Variants in RBFOX2 observed in about 807,000 individuals in gnomAD.
RBFOX2 encodes the protein RNA binding protein fox-1 homolog 2.
In RBFOX2, 10 loss-of-function variants were observed where a neutral mutation model predicts 49.1. That is an observed-to-expected ratio of 0.20 (90% confidence interval 0.13 to 0.35). The LOEUF (loss-of-function observed/expected upper bound fraction) is 0.35, where lower values mean the gene tolerates loss of function less well. Ranked by LOEUF, RBFOX2 falls within the 10% of genes least tolerant of loss-of-function variation. The pLI is 1.00. For missense variants in RBFOX2, 323 were observed against 486.9 expected (o/e 0.66, Z 3.17); for synonymous variants, 183 against 187.4 (o/e 0.98, Z 0.19).
At chr22:35,921,179 A>T (rs1293340773) in intron 1 of RBFOX2, among the ~76,000 whole-genome samples, 1 of 152,182 alleles carries the variant, frequency 6.6e-6, no homozygotes, top group Non-Finnish European at 1.5e-5. Flanking sequence ...AAATCACTTA[A>T]TGCTTTTAAG....
intron 1 of RBFOX2, among the ~76,000 whole-genome samples, chr22:35,933,953 T>TATATATAC (rs1009021083): frequency 0.033 from 4,607 of 140,838 alleles, 120 homozygotes; most frequent in African/African-American, 0.048. Flanking sequence ...TATATATATA[T>TATATATAC]ACACACATCA....
intron 8 of RBFOX2, among the ~76,000 whole-genome samples, chr22:35,760,396 C>T (rs1217573774): frequency 6.6e-6 from 1 of 152,170 alleles, no homozygotes; most frequent in African/African-American, 2.4e-5. Context: ...ATCAGATTGA[C>T]ACAAACTCTT....
At chr22:35,798,717 G>A (rs1438682286) in intron 2 of RBFOX2, among the ~76,000 whole-genome samples, 1 of 152,088 alleles carries the variant, frequency 6.6e-6, no homozygotes, top group Non-Finnish European at 1.5e-5. Flanking sequence ...ATTATTTAAG[G>A]ACTGATATTT....
chr22:35,856,140 T>C (rs571013768), intron 1 of RBFOX2, among the ~76,000 whole-genome samples: 1 of 152,156 alleles, frequency 6.6e-6, no homozygotes, highest in East Asian at 1.9e-4. Flanking sequence ...GACCTAGAAA[T>C]AGACCTCGTA....
chr22:35,997,633 T>C (rs1353591977), intron 1 of RBFOX2: 3 of 152,088 alleles, frequency 2.0e-5, no homozygotes, highest in Non-Finnish European at 2.9e-5. Context: ...GGAGGGAGTA[T>C]AGAGGAAAGT....
At chr22:35,860,030 T>A (rs894229761) in intron 1 of RBFOX2, among the ~76,000 whole-genome samples, 1 of 152,178 alleles carries the variant, frequency 6.6e-6, no homozygotes, top group Non-Finnish European at 1.5e-5. Flanking sequence ...TTTCTCTCCA[T>A]AATAACTTTT....
chr22:35,909,041 A>C (rs1189366393), intron 1 of RBFOX2, among the ~76,000 whole-genome samples: 1 of 152,098 alleles, frequency 6.6e-6, no homozygotes, highest in Non-Finnish European at 1.5e-5. Context: ...ACAGGGTTTC[A>C]CTGTGTTAGT....
chr22:35,821,672 ACTGACCTT>A, intron 1 of RBFOX2: 1 of 502,304 alleles, frequency 2.0e-6, no homozygotes, highest in Non-Finnish European at 3.9e-6. Context: ...TCCTTTGAGG[ACTGACCTT>A]CTTTTAATAG....
chr22:35,999,292 C>G (rs1272048532), intron 1 of RBFOX2: 2 of 151,374 alleles, frequency 1.3e-5, no homozygotes, highest in Non-Finnish European at 2.9e-5. Context: ...GACCTGTAAT[C>G]CCAGCACTTT....
intron 1 of RBFOX2, among the ~76,000 whole-genome samples, chr22:35,850,790 A>C (rs754747048): frequency 1.3e-5 from 2 of 152,154 alleles, no homozygotes; most frequent in Non-Finnish European, 2.9e-5. Context: ...AAATCAGAAA[A>C]CTGCTAAGTA....
chr22:35,897,892 T>C, intron 1 of RBFOX2: 1 of 728,394 alleles, frequency 1.4e-6, no homozygotes, highest in Non-Finnish European at 2.6e-6. Flanking sequence ...AATATTCACA[T>C]TCAGATGTGC....
At chr22:35,978,358 GTA>G (rs2057299732) in intron 1 of RBFOX2, among the ~76,000 whole-genome samples, 2 of 152,168 alleles carry the variant, frequency 1.3e-5, no homozygotes, top group South Asian at 2.1e-4. Context: ...TGTATATGTG[GTA>G]TATATGTGTT....
intron 1 of RBFOX2, among the ~76,000 whole-genome samples, chr22:35,881,516 A>G (rs1028257577): frequency 6.6e-6 from 1 of 150,978 alleles, no homozygotes; most frequent in African/African-American, 2.4e-5. Flanking sequence ...CAGGAGATTG[A>G]GACTGCACTG....
At chr22:35,789,769 C>CGTG (rs1162201407) in intron 2 of RBFOX2, among the ~76,000 whole-genome samples, 2 of 152,106 alleles carry the variant, frequency 1.3e-5, no homozygotes, top group African/African-American at 2.4e-5. Context: ...CTCCCTGTAA[C>CGTG]GTGGTGGTGG....
At chr22:35,886,763 C>A (rs747561140) in intron 1 of RBFOX2, among the ~76,000 whole-genome samples, 1 of 152,200 alleles carries the variant, frequency 6.6e-6, no homozygotes, top group Non-Finnish European at 1.5e-5. Context: ...ACTGCATTGA[C>A]TGATGCATTG....
At chr22:36,015,382 G>A (rs2058994391) in intron 1 of RBFOX2, among the ~76,000 whole-genome samples, 1 of 152,198 alleles carries the variant, frequency 6.6e-6, no homozygotes, top group African/African-American at 2.4e-5. Flanking sequence ...AGACTTTCAG[G>A]ACAAGTACTA....
At chr22:35,751,031 T>C (rs928871006) in intron 9 of RBFOX2, among the ~76,000 whole-genome samples, 1 of 152,296 alleles carries the variant, frequency 6.6e-6, no homozygotes. Context: ...AAATTAACTT[T>C]ATGATGTTGC....
intron 1 of RBFOX2, among the ~76,000 whole-genome samples, chr22:35,825,949 T>A (rs1031896061): frequency 6.6e-5 from 8 of 121,956 alleles, no homozygotes; most frequent in African/African-American, 2.7e-4. Flanking sequence ...ACCATTGCAC[T>A]CCAGCCTGGG....
intron 1 of RBFOX2, among the ~76,000 whole-genome samples, chr22:35,957,445 C>T (rs1209786474): frequency 6.6e-6 from 1 of 152,136 alleles, no homozygotes. Context: ...TTGCACCCTC[C>T]TTACCTTGCA....
Sources: allele counts gnomAD v4.1 joint callset (sites outside exome capture counted in the v4.1 genomes callset), GRCh38; gene constraint gnomAD v4.1.1; transcripts MANE v1.5; gene names NCBI Gene and HGNC (gene_info 2026-07-23, HGNC 2026-07-21).